Variants in ANKRD45 observed in about 807,000 individuals in gnomAD.
ANKRD45 encodes the protein ankyrin repeat domain-containing protein 45.
A neutral mutation model predicts 28.1 loss-of-function variants in ANKRD45; 21 were observed. The observed-to-expected ratio is 0.75, with a 90% CI of 0.53 to 1.08. The LOEUF (loss-of-function observed/expected upper bound fraction) is 1.08, where lower values mean the gene tolerates loss of function less well. Ranked by LOEUF, ANKRD45 falls within the 50% of genes least tolerant of loss-of-function variation. The pLI is 0.00. For synonymous variants in ANKRD45, 86 were observed against 103.9 expected (o/e 0.83, Z 1.05); for missense variants, 261 against 308.7 (o/e 0.85, Z 1.16).
the ANKRD45 span, among the ~76,000 whole-genome samples, chr1:173,696,977 C>T: frequency 6.6e-6 from 1 of 152,016 alleles, no homozygotes; most frequent in East Asian, 1.9e-4. Context: ...CTTAAATGAC[C>T]TGATAGAGCT....
intron 5 of ANKRD45, among the ~76,000 whole-genome samples, chr1:173,620,580 TCA>T (rs1396864813): frequency 6.6e-6 from 1 of 152,072 alleles, no homozygotes; most frequent in East Asian, 1.9e-4. Flanking sequence ...AAGGGGAACA[TCA>T]CACTCTGGGG....
intron 3 of ANKRD45, among the ~76,000 whole-genome samples, chr1:173,642,317 C>T (rs1313709083): frequency 6.6e-6 from 1 of 152,174 alleles, no homozygotes; most frequent in African/African-American, 2.4e-5. Flanking sequence ...GTCTCTGCCA[C>T]TCTTACAAAG....
rs1189394798 is a variant in ANKRD45, at chr1:173,609,479, T to C, written c.*666A>G. 6.6e-6 allele frequency: 1 copy of C among 152,068 alleles called. No individual in the cohort carries two copies. Among genetic ancestry groups the C allele is most frequent in the African/African-American group, 2.4e-5 (1 of 41,392 alleles). The allele number at this position is 152,068 out of a possible 1,614,324, so 9.4% of individuals were successfully genotyped here. On this transcript the variant is annotated 3_prime_UTR_variant, in exon 6 of 6. Transcript: ENST00000333279. ...TATCGTACTTAAAACCTAGGAAATATAAAACAGAATGGGAGGGGAAATGGT... is the reference window on the plus strand; with the variant it reads ...TATCGTACTTAAAACCTAGGAAATACAAAACAGAATGGGAGGGGAAATGGT...
the ANKRD45 span, among the ~76,000 whole-genome samples, chr1:173,688,052 T>A: frequency 6.6e-6 from 1 of 151,368 alleles, no homozygotes; most frequent in African/African-American, 2.4e-5. Context: ...CAGTTGTCGC[T>A]ACAGATTGAA....
intron 3 of ANKRD45, chr1:173,635,971 T>C (rs1347801698): frequency 1.4e-6 from 1 of 698,316 alleles, no homozygotes; most frequent in Non-Finnish European, 2.3e-6. Flanking sequence ...CAACTTCCCA[T>C]TCATTCCCAG....
In ANKRD45 at chr1:173,637,923, G is replaced by A. The variant is rs116477075; in HGVS notation, c.496+8923C>T. On this transcript the variant is annotated intron_variant, in intron 3 of 5. Transcript: ENST00000333279. ...ACTGCCCATTGTAGCAGCCCCTGGA[G>A]GACAGCCAGGACCTACCCGGAGCAA... Among the ~76,000 whole-genome samples, 731 of 152,308 alleles carry A rather than the reference G, an allele frequency of 4.8e-3. 5 individuals are homozygous for A. The highest frequency in any genetic ancestry group is 0.017 in the African/African-American group (696 of 41,560).
chr1:173,711,661 A>T, the ANKRD45 span, among the ~76,000 whole-genome samples: 1 of 152,184 alleles, frequency 6.6e-6, no homozygotes, highest in Non-Finnish European at 1.5e-5. Flanking sequence ...ATCTAAATAA[A>T]ATCTATTTCA....
chr1:173,690,980 T>C, the ANKRD45 span, among the ~76,000 whole-genome samples: 7 of 152,168 alleles, frequency 4.6e-5, no homozygotes, highest in Non-Finnish European at 8.8e-5. Context: ...CATGGGAAAT[T>C]TCTCACCTTT....
intron 1 of ANKRD45, among the ~76,000 whole-genome samples, chr1:173,662,967 G>T (rs1277321568): frequency 6.6e-6 from 1 of 151,708 alleles, no homozygotes; most frequent in East Asian, 1.9e-4. Flanking sequence ...ATTTGAGATG[G>T]TTTAGTTCAA....
rs144843845 is a variant in ANKRD45 at position 173,619,494 on chromosome 1, T to C, written c.730+5293A>G. ...AAAAAAGCAGGGATCACAGTCCTAG[T>C]TTCTGACAAAACAGACTTTAAACCA... On this transcript the variant is annotated intron_variant, in intron 5 of 5. Transcript: ENST00000333279. Among the ~76,000 whole-genome samples, 337 of 152,190 alleles carry C rather than the reference T, an allele frequency of 2.2e-3. 1 individual carries two copies. The highest frequency in any genetic ancestry group is 7.6e-3 in the African/African-American group (316 of 41,522).
At chr1:173,628,499 C>T (rs73031331) in intron 3 of ANKRD45, among the ~76,000 whole-genome samples, 4,128 of 152,152 alleles carry the variant, frequency 0.027, 199 homozygotes, top group African/African-American at 0.095. Context: ...GCCAGGTGGA[C>T]TTGCTGTGGG....
the ANKRD45 span, among the ~76,000 whole-genome samples, chr1:173,696,180 A>C: frequency 1.1e-4 from 16 of 152,132 alleles, no homozygotes; most frequent in African/African-American, 3.9e-4. Flanking sequence ...ACCCAGCTTT[A>C]AAATTTCTCT....
intron 1 of ANKRD45, among the ~76,000 whole-genome samples, chr1:173,660,084 T>TC (rs1669714086): frequency 6.6e-6 from 1 of 152,170 alleles, no homozygotes; most frequent in African/African-American, 2.4e-5. Context: ...TCAAGATGTT[T>TC]CTTTTTTTTT....
intron 3 of ANKRD45, chr1:173,636,706 A>T: frequency 1.4e-6 from 1 of 731,012 alleles, no homozygotes; most frequent in Non-Finnish European, 2.2e-6. Flanking sequence ...GTGCTGTTTT[A>T]ATAAGGTTTG....
chr1:173,656,416 A>G (rs1167826035), intron 2 of ANKRD45, among the ~76,000 whole-genome samples: 2 of 152,234 alleles, frequency 1.3e-5, no homozygotes, highest in African/African-American at 4.8e-5. Context: ...TAGCACTAAT[A>G]GTAGATTCCC....
At chr1:173,654,515 T>C (rs985246038) in intron 2 of ANKRD45, among the ~76,000 whole-genome samples, 9 of 152,244 alleles carry the variant, frequency 5.9e-5, no homozygotes, top group African/African-American at 1.9e-4. Context: ...CCTTTCTCTC[T>C]GGCTGCACTT....
upstream of ANKRD45, among the ~76,000 whole-genome samples, chr1:173,671,746 G>T (rs532712068): frequency 5.3e-5 from 8 of 152,006 alleles, no homozygotes; most frequent in African/African-American, 1.7e-4. Flanking sequence ...GCCAGGCGTG[G>T]TGGTATGCGC....
chr1:173,611,282 T>C (rs1179278102), intron 5 of ANKRD45, among the ~76,000 whole-genome samples: 2 of 152,210 alleles, frequency 1.3e-5, no homozygotes, highest in Non-Finnish European at 2.9e-5. Flanking sequence ...TTTATCTTTA[T>C]ACTTAGGCTT....
Position 173,610,112 on chromosome 1 carries a change from A to G in ANKRD45, c.*33T>C. The G allele has an allele frequency of 6.3e-7, 1 of 1,598,530 alleles. No homozygotes were observed. The highest frequency in any genetic ancestry group is 8.6e-7 in the Non-Finnish European group (1 of 1,168,518). On this transcript the variant is annotated 3_prime_UTR_variant, in exon 6 of 6. Coordinates refer to ENST00000333279, the MANE Select transcript of ANKRD45 (RefSeq NM_198493.3). ...TGAATAGGTTTGCCTTTCAGATACT[A>G]AAAGAAAATGTGGCCTTTTACAGAA...
Sources: gnomAD v4.1 joint callset for allele counts (sites outside exome capture counted in the v4.1 genomes callset) on GRCh38, gnomAD v4.1.1 for gene constraint, MANE v1.5 for transcripts, NCBI Gene and HGNC (gene_info 2026-07-23, HGNC 2026-07-21) for gene names.